The following EPHA6 variants were observed in gnomAD, a reference collection of about 807,000 sequenced individuals.
EPHA6 encodes the protein ephrin type-A receptor 6.
In EPHA6, 50 loss-of-function variants were observed where a neutral mutation model predicts 112.0. The ratio of observed to expected loss-of-function variants is 0.45; its 90% confidence interval spans 0.36 to 0.56. The LOEUF (loss-of-function observed/expected upper bound fraction) is 0.56. EPHA6 is among the 20% of genes least tolerant of loss of function. The pLI, the probability that EPHA6 is intolerant of heterozygous loss-of-function variation, is 0.00. For missense variants in EPHA6, 1,280 were observed against 1,417.4 expected (o/e 0.90, Z 1.56); for synonymous variants, 529 against 490.7 (o/e 1.08, Z -1.03).
intron 1 of EPHA6, among the ~76,000 whole-genome samples, chr3:96,852,419 G>A (rs1056309090): frequency 1.3e-5 from 2 of 151,914 alleles, no homozygotes; most frequent in African/African-American, 4.8e-5. Context: ...ACAAAAGCGA[G>A]ACTCTGTCCC....
chr3:97,562,338 G>T (rs1396550242), intron 11 of EPHA6, among the ~76,000 whole-genome samples: 2 of 152,168 alleles, frequency 1.3e-5, no homozygotes, highest in Non-Finnish European at 2.9e-5. Context: ...CATGGGAGGA[G>T]GTCAAAATTT....
chr3:97,306,287 G>A (rs1186570598), intron 5 of EPHA6, among the ~76,000 whole-genome samples: 1 of 147,272 alleles, frequency 6.8e-6, no homozygotes, highest in African/African-American at 2.6e-5. Flanking sequence ...ACTATGTCAG[G>A]GCCCTCTTTT....
intron 3 of EPHA6, among the ~76,000 whole-genome samples, chr3:97,152,467 T>C (rs1245377865): frequency 6.6e-6 from 1 of 150,378 alleles, no homozygotes; most frequent in East Asian, 1.9e-4. Context: ...TTAGTAATTT[T>C]AGATACTTGA....
chr3:97,276,758 A>G (rs2080096136), intron 5 of EPHA6, among the ~76,000 whole-genome samples: 1 of 152,144 alleles, frequency 6.6e-6, no homozygotes, highest in African/African-American at 2.4e-5. Flanking sequence ...TTGCTGCCAA[A>G]TGAGCCATGA....
At chr3:97,499,676 T>A (rs1260428435) in intron 10 of EPHA6, among the ~76,000 whole-genome samples, 1 of 152,156 alleles carries the variant, frequency 6.6e-6, no homozygotes, top group African/African-American at 2.4e-5. Flanking sequence ...CAATGGCAAG[T>A]ATTTGTGTAT....
At chr3:97,131,965 T>A (rs983401940) in intron 3 of EPHA6, among the ~76,000 whole-genome samples, 1 of 152,014 alleles carries the variant, frequency 6.6e-6, no homozygotes, top group Non-Finnish European at 1.5e-5. Flanking sequence ...CCACTAAGGA[T>A]GAAGAAAACA....
intron 1 of EPHA6, among the ~76,000 whole-genome samples, chr3:96,836,326 C>T (rs915869281): frequency 1.3e-5 from 2 of 152,054 alleles, no homozygotes; most frequent in African/African-American, 2.4e-5. Flanking sequence ...TGGCACCAGA[C>T]AGATTAACTA....
chr3:97,010,185 G>T, intron 3 of EPHA6: 1 of 835,410 alleles, frequency 1.2e-6, no homozygotes, highest in Non-Finnish European at 1.6e-6. Context: ...CATTGTGTTG[G>T]TATGAAATAT....
chr3:97,262,425 G>T (rs1031117183), intron 5 of EPHA6, among the ~76,000 whole-genome samples: 4 of 152,136 alleles, frequency 2.6e-5, no homozygotes, highest in Non-Finnish European at 5.9e-5. Flanking sequence ...TTAAGGGAAA[G>T]TTAAGTTAAA....
At chr3:97,414,303 A>G (rs1013246174) in intron 6 of EPHA6, among the ~76,000 whole-genome samples, 7 of 152,076 alleles carry the variant, frequency 4.6e-5, no homozygotes, top group African/African-American at 1.7e-4. Context: ...CCCTGCTTCA[A>G]CCAATTCTCC....
intron 11 of EPHA6, among the ~76,000 whole-genome samples, chr3:97,580,102 GT>G (rs2093423714): frequency 6.6e-6 from 1 of 152,182 alleles, no homozygotes; most frequent in Admixed American, 6.5e-5. Flanking sequence ...GCATAAAGTA[GT>G]TTTTGTGGTG....
chr3:97,699,759 G>T (rs961758596), intron 14 of EPHA6, among the ~76,000 whole-genome samples: 1 of 152,204 alleles, frequency 6.6e-6, no homozygotes, highest in Non-Finnish European at 1.5e-5. Context: ...GAAAACTTAT[G>T]AAAATTAACT....
chr3:97,081,718 G>T (rs2046726202), intron 3 of EPHA6, among the ~76,000 whole-genome samples: 1 of 151,306 alleles, frequency 6.6e-6, no homozygotes, highest in Non-Finnish European at 1.5e-5. Flanking sequence ...AAAAAGAAAA[G>T]ATAAAATAAT....
intron 3 of EPHA6, among the ~76,000 whole-genome samples, chr3:97,147,608 A>G (rs988482875): frequency 2.2e-4 from 33 of 152,148 alleles, no homozygotes; most frequent in Non-Finnish European, 1.2e-4. Flanking sequence ...TATAATGTTT[A>G]TTTATTTAAT....
intron 14 of EPHA6, among the ~76,000 whole-genome samples, chr3:97,714,865 G>A (rs2034142657): frequency 6.6e-6 from 1 of 152,182 alleles, no homozygotes; most frequent in Non-Finnish European, 1.5e-5. Context: ...CCTCCAGTAA[G>A]CACATTAATG....
At chr3:96,942,329 CCAGCCTTGCTG>C (rs1559610511) in intron 2 of EPHA6, among the ~76,000 whole-genome samples, 1 of 152,236 alleles carries the variant, frequency 6.6e-6, no homozygotes, top group Admixed American at 6.5e-5. Context: ...CACCCCTCCC[CCAGCCTTGCTG>C]CAGCCTTGCA....
intron 14 of EPHA6, among the ~76,000 whole-genome samples, chr3:97,647,556 A>G (rs1005703087): frequency 2.6e-5 from 4 of 152,188 alleles, no homozygotes; most frequent in African/African-American, 9.6e-5. Context: ...TGCCAATTCT[A>G]TGATGAGATT....
chr3:96,970,042 C>G (rs550229271), intron 2 of EPHA6, among the ~76,000 whole-genome samples: 1 of 151,984 alleles, frequency 6.6e-6, no homozygotes, highest in South Asian at 2.1e-4. Flanking sequence ...AGAGTCAGGG[C>G]TATAGACTTT....
At chr3:97,311,058 G>C (rs1048360154) in intron 5 of EPHA6, among the ~76,000 whole-genome samples, 6 of 151,628 alleles carry the variant, frequency 4.0e-5, no homozygotes, top group Non-Finnish European at 8.9e-5. Context: ...CATGGGACTA[G>C]CTGCCTTCCC....
Sources: allele counts gnomAD v4.1 joint callset (sites outside exome capture counted in the v4.1 genomes callset), GRCh38; gene constraint gnomAD v4.1.1; transcripts MANE v1.5; gene names NCBI Gene and HGNC (gene_info 2026-07-23, HGNC 2026-07-21).